The following NEXMIF variants were observed in gnomAD, a reference collection of about 807,000 sequenced individuals.
NEXMIF encodes the protein XLMR protein related to neurite extension.
NEXMIF carries 8 observed loss-of-function variants against 62.1 expected under a neutral mutation model. The ratio of observed to expected loss-of-function variants is 0.13; its 90% confidence interval spans 0.08 to 0.23. The LOEUF (loss-of-function observed/expected upper bound fraction) is 0.23, where lower values mean the gene tolerates loss of function less well. Among genes scored for constraint, NEXMIF ranks in the 10% least tolerant of loss-of-function variants. The pLI, the probability that NEXMIF is intolerant of heterozygous loss-of-function variation, is 1.00. For missense variants in NEXMIF, 976 were observed against 1,113.3 expected (o/e 0.88, Z 1.75); for synonymous variants, 404 against 416.6 (o/e 0.97, Z 0.37).
chrX:74,873,436 T>C (rs1329633747), intron 1 of NEXMIF, among the ~76,000 whole-genome samples: 3 of 112,141 alleles, frequency 2.7e-5, no homozygotes, highest in African/African-American at 6.5e-5. Context: ...TTGTGAATAA[T>C]GCCACAATAA....
chrX:74,741,027 T>C lies in NEXMIF; in HGVS notation c.3530A>G (p.Lys1177Arg). Reference sequence around the variant, plus strand: ...CCCACTCTTGCTGGGTGAACTTTTCTTTCTTGATTTTGACACTTTGTTGTT... The same window carrying C: ...CCCACTCTTGCTGGGTGAACTTTTCCTTCTTGATTTTGACACTTTGTTGTT... ...STNNKVSKSRKKSSPSKSGAM... is the reference protein window; with the variant it reads ...STNNKVSKSRRKSSPSKSGAM... The change falls in exon 3 of 4, where the codon AAG becomes AGG. Residue 1177 changes from lysine to arginine, a missense_variant. This residue lies in a region of NEXMIF where 639 missense variants were observed against 694.5 expected (regional missense o/e 0.92). Transcript: ENST00000055682. The C allele has an allele frequency of 8.3e-7, 1 of 1,211,444 alleles. No homozygotes were observed.
chrX:74,844,116 T>G (rs1234720239), intron 1 of NEXMIF, among the ~76,000 whole-genome samples: 1 of 111,797 alleles, frequency 8.9e-6, no homozygotes, highest in East Asian at 2.8e-4. Flanking sequence ...GCTCCCAGTC[T>G]CTTCTGGCTT....
chrX:74,835,430 T>C (rs952547347), intron 1 of NEXMIF, among the ~76,000 whole-genome samples: 5 of 111,861 alleles, frequency 4.5e-5, no homozygotes, highest in Admixed American at 9.5e-5. Context: ...TCTGGGCTTA[T>C]TTGCTTCTGC....
At chrX:74,897,827 C>T (rs2080737280) in intron 1 of NEXMIF, among the ~76,000 whole-genome samples, 1 of 111,721 alleles carries the variant, frequency 9.0e-6, no homozygotes, top group Non-Finnish European at 1.9e-5. Context: ...GAAGGTATGT[C>T]AAAGGGACAC....
rs767168667 is a variant in NEXMIF, at chrX:74,842,360, C to T, written c.-48+82523G>A. ...CATTTCTAATTGTGTTTATTTGTAT[C>T]TTATTTTCTTCTTTATTAGTCTAGC... is the stretch of plus-strand genomic sequence containing the variant. On this transcript the variant is annotated intron_variant, in intron 1 of 3. Transcript: ENST00000055682. Among the ~76,000 whole-genome samples, 3 of 111,452 alleles carry T rather than the reference C, an allele frequency of 2.7e-5. No individual in the cohort carries two copies. The East Asian group carries it at 8.4e-4, about 31-fold the overall frequency.
At chrX:74,896,075 A>T (rs908748501) in intron 1 of NEXMIF, among the ~76,000 whole-genome samples, 7 of 111,208 alleles carry the variant, frequency 6.3e-5, no homozygotes, top group African/African-American at 2.3e-4. Context: ...TCAACCACTT[A>T]GTCATGCTTC....
At chrX:74,768,099 G>A (rs1305503611) in intron 1 of NEXMIF, among the ~76,000 whole-genome samples, 1 of 111,439 alleles carries the variant, frequency 9.0e-6, no homozygotes, top group Non-Finnish European at 1.9e-5. Flanking sequence ...ATAGCTTTGT[G>A]TGTCAGACTG....
At chrX:74,791,577 G>T (rs1460491606) in intron 1 of NEXMIF, among the ~76,000 whole-genome samples, 1 of 111,430 alleles carries the variant, frequency 9.0e-6, no homozygotes, top group South Asian at 3.8e-4. Flanking sequence ...TGTACCTCTG[G>T]TAGAATTCGG....
chrX:74,792,935 C>T (rs1181190511), intron 1 of NEXMIF, among the ~76,000 whole-genome samples: 2 of 106,298 alleles, frequency 1.9e-5, no homozygotes, highest in African/African-American at 6.9e-5. Context: ...ATCCAATTTG[C>T]CAGTCTGTGT....
intron 1 of NEXMIF, among the ~76,000 whole-genome samples, chrX:74,791,657 C>G (rs920598773): frequency 9.1e-6 from 1 of 110,428 alleles, no homozygotes; most frequent in Non-Finnish European, 1.9e-5. Flanking sequence ...ATTTCAGATC[C>G]TGTTATTGGT....
At chrX:74,924,685 G>A (rs1265250209) in intron 1 of NEXMIF, among the ~76,000 whole-genome samples, 198 bp downstream of exon 1, 1 of 113,786 alleles carries the variant, frequency 8.8e-6, no homozygotes, top group African/African-American at 3.2e-5. Context: ...GGCGAGCCGG[G>A]ATCTCTCGCC....
At chrX:74,903,325 TACACACACACAC>T (rs397897060) in intron 1 of NEXMIF, among the ~76,000 whole-genome samples, 662 of 51,217 alleles carry the variant, frequency 0.013, 5 homozygotes, top group African/African-American at 0.041. Context: ...TTCTCAGGCA[TACACACACACAC>T]ACACACACAC....
In NEXMIF at chrX:74,851,914, T is replaced by C. The variant is rs1342926209; in HGVS notation, c.-48+72969A>G. 2.7e-5 allele frequency among the ~76,000 whole-genome samples: 3 copies of C among 110,846 alleles called. No individual in the cohort carries two copies. The Admixed American group carries it at 2.9e-4, about 11-fold the overall frequency. On this transcript the variant is annotated intron_variant, in intron 1 of 3. Coordinates refer to ENST00000055682, the MANE Select transcript of NEXMIF (RefSeq NM_001008537.3). ...GACAGAAAGAAAGACACAAAAGATA[T>C]ACAAACAACAAGAAACCAAGTAAAA...
At chrX:74,903,731 T>C (rs1403750383) in intron 1 of NEXMIF, among the ~76,000 whole-genome samples, 1 of 111,803 alleles carries the variant, frequency 8.9e-6, no homozygotes, top group African/African-American at 3.3e-5. Context: ...CAGGTTAATC[T>C]CTCATTGCTT....
chrX:74,881,392 GCACACA>G (rs367805528), intron 1 of NEXMIF, among the ~76,000 whole-genome samples: 5 of 88,572 alleles, frequency 5.6e-5, no homozygotes, highest in Non-Finnish European at 1.1e-4. Context: ...ACATACACAT[GCACACA>G]CACACACACA....
intron 1 of NEXMIF, among the ~76,000 whole-genome samples, chrX:74,886,345 G>A (rs1053370149): frequency 1.8e-5 from 2 of 111,759 alleles, no homozygotes; most frequent in Non-Finnish European, 3.8e-5. Context: ...ATTAGGAAAA[G>A]AGGAAGTCAA....
chrX:74,815,782 G>T (rs2080374148), intron 1 of NEXMIF, among the ~76,000 whole-genome samples: 1 of 109,090 alleles, frequency 9.2e-6, no homozygotes, highest in African/African-American at 3.3e-5. Context: ...TTACAGGCAC[G>T]TGCCACCATT....
At chrX:74,831,368 G>A (rs1247539568) in intron 1 of NEXMIF, among the ~76,000 whole-genome samples, 2 of 59,117 alleles carry the variant, frequency 3.4e-5, no homozygotes, top group African/African-American at 7.4e-5. Flanking sequence ...AACAGTCCCC[G>A]GAGTGTGATG....
Position 74,807,468 on chromosome X carries a change from C to A in NEXMIF, c.-47-61771G>T, listed in dbSNP as rs757828356. ...TATAGGCATATGCTACAGTGCTCAG[C>A]CTTTTTTTTTTTGACATGGAGTCTT... On this transcript the variant is annotated intron_variant, in intron 1 of 3. Transcript: ENST00000055682. 3.6e-5 allele frequency among the ~76,000 whole-genome samples: 4 copies of A among 110,284 alleles called. No individual in the cohort carries two copies. The South Asian group carries it at 1.6e-3, about 43-fold the overall frequency.
Sources: gnomAD v4.1 joint callset for allele counts (sites outside exome capture counted in the v4.1 genomes callset) on GRCh38, gnomAD v4.1.1 for gene constraint, gnomAD v4.1.1 regional missense constraint, MANE v1.5 for transcripts, NCBI Gene and HGNC (gene_info 2026-07-23, HGNC 2026-07-21) for gene names.